The following ZSWIM2 variants were observed in gnomAD, a reference collection of about 807,000 sequenced individuals.
The protein encoded by ZSWIM2 is E3 ubiquitin-protein ligase ZSWIM2.
In ZSWIM2, 38 loss-of-function variants were observed where a neutral mutation model predicts 48.4. The ratio of observed to expected loss-of-function variants is 0.79; its 90% CI spans 0.61 to 1.03. The LOEUF (loss-of-function observed/expected upper bound fraction) is 1.03. Ranked by LOEUF, ZSWIM2 falls within the 50% of genes least tolerant of loss-of-function variation. The probability of loss-of-function intolerance (pLI) is 0.00; values close to 1 mark genes in which losing one functional copy is unlikely to be tolerated. For synonymous variants in ZSWIM2, 240 were observed against 251.3 expected (o/e 0.96, Z 0.42); for missense variants, 776 against 730.2 (o/e 1.06, Z -0.72).
At chr2:186,835,393 T>C (rs994830749) in intron 5 of ZSWIM2, among the ~76,000 whole-genome samples, 1 of 152,134 alleles carries the variant, frequency 6.6e-6, no homozygotes, top group Non-Finnish European at 1.5e-5. Context: ...TTATCAAATA[T>C]TTAGAAGATT....
At chr2:186,841,074 C>T (rs1401871349) in intron 3 of ZSWIM2, among the ~76,000 whole-genome samples, 2 of 151,276 alleles carry the variant, frequency 1.3e-5, no homozygotes, top group African/African-American at 4.8e-5. Flanking sequence ...CACTAATAAA[C>T]GTTACTATTT....
At chr2:186,830,119 C>T (rs1234823078) in intron 7 of ZSWIM2, among the ~76,000 whole-genome samples, 1 of 152,202 alleles carries the variant, frequency 6.6e-6, no homozygotes, top group Non-Finnish European at 1.5e-5. Flanking sequence ...TGGCTCACGC[C>T]TGTAATCCCA....
intron 5 of ZSWIM2, among the ~76,000 whole-genome samples, chr2:186,836,756 A>G (rs1691799733): frequency 6.6e-6 from 1 of 152,162 alleles, no homozygotes; most frequent in Non-Finnish European, 1.5e-5. Context: ...GGGGTTACTC[A>G]CAGTGAAAAT....
At chr2:186,838,716 CTA>C (rs1279807684) in intron 4 of ZSWIM2, among the ~76,000 whole-genome samples, 21 of 144,746 alleles carry the variant, frequency 1.5e-4, no homozygotes, top group Non-Finnish European at 2.4e-4. Context: ...ATATATATTT[CTA>C]TGATATATAT....
intron 3 of ZSWIM2, among the ~76,000 whole-genome samples, chr2:186,842,403 C>T (rs2167395): frequency 0.99 from 150,315 of 151,356 alleles, 74,649 homozygotes; most frequent in Middle Eastern, 1. Flanking sequence ...ATACAAGACA[C>T]AAAAAATCTT....
At chr2:186,834,052 A>C in intron 5 of ZSWIM2, 22 bp from the exon 6 acceptor site, 1 of 1,556,446 alleles carries the variant, frequency 6.4e-7, no homozygotes, top group Non-Finnish European at 8.8e-7. Context: ...AAACATCAAA[A>C]CACGCAAGAA....
At chr2:186,840,545 C>A (rs1691886548) in intron 3 of ZSWIM2, among the ~76,000 whole-genome samples, 3 of 151,380 alleles carry the variant, frequency 2.0e-5, no homozygotes, top group African/African-American at 7.3e-5. Context: ...CATTGTTAAA[C>A]AAAGAGGAAA....
In ZSWIM2 at chr2:186,828,741, C is replaced by A; in HGVS notation, c.1145G>T (p.Cys382Phe). 6.2e-7 allele frequency: 1 copy of A among 1,602,298 alleles called. No homozygotes were observed. Among genetic ancestry groups the A allele is most frequent in the Non-Finnish European group, 8.5e-7 (1 of 1,175,300 alleles). ...ATATATAACTTGTCCATCAATAGGG[C>A]ATGAATTGCACTTGTGGAATAACCA... ...DNWLFHKCNS[C>F]PIDGQVIYNP... Residue 382 changes from cysteine to phenylalanine, a missense_variant, in exon 9 of 9, where the codon TGC becomes TTC. Coordinates refer to ENST00000295131, the MANE Select transcript of ZSWIM2 (RefSeq NM_182521.3).
chr2:186,845,999 G>A (rs1170345248), intron 2 of ZSWIM2, among the ~76,000 whole-genome samples: 5 of 151,806 alleles, frequency 3.3e-5, no homozygotes, highest in African/African-American at 1.2e-4. Flanking sequence ...ATGGATTAAA[G>A]ACCTAAATGT....
At position 186,834,024 on chromosome 2, in the gene ZSWIM2, G is replaced by T; in HGVS notation, c.750C>A (p.Thr250=). ...GGCATAAGTGATATTCTATGCATTC[G>T]GTACACCTAAAAATACAAAACATCA... is the stretch of plus-strand genomic sequence containing the variant. ...FPIEGKCYKC[T]ECIEYHLCQE... is the part of the protein sequence containing the mutation. The change falls in exon 6 of 9, where the codon ACC becomes ACA. Residue 250 remains threonine, a synonymous_variant. Transcript: ENST00000295131. 6.2e-7 allele frequency: 1 copy of T among 1,608,110 alleles called. No individual in the cohort carries two copies. The highest frequency in any genetic ancestry group is 8.5e-7 in the Non-Finnish European group (1 of 1,175,864).
Position 186,849,142 on chromosome 2 carries a change from G to C in ZSWIM2, c.-12C>G, listed in dbSNP as rs1442003874. On this transcript the variant is annotated 5_prime_UTR_variant, in exon 1 of 9. Transcript: ENST00000295131. ...CCTCGGCGAAGCATGCTGGGTGCGG[G>C]CGGAGGCGGCCCCTCTGCTCGGCTC... 1 of 1,601,980 alleles carries C rather than the reference G, an allele frequency of 6.2e-7. No individual in the cohort carries two copies. The highest frequency in any genetic ancestry group is 2.2e-5 in the East Asian group (1 of 44,560).
intron 7 of ZSWIM2, among the ~76,000 whole-genome samples, chr2:186,831,177 T>G (rs1691692643): frequency 6.6e-6 from 1 of 152,074 alleles, no homozygotes; most frequent in South Asian, 2.1e-4. Context: ...AACTTAGCAT[T>G]CTAACAGGAT....
chr2:186,832,965 C>G (rs1001230098), intron 7 of ZSWIM2, among the ~76,000 whole-genome samples, 155 bp downstream of exon 7: 1 of 151,968 alleles, frequency 6.6e-6, no homozygotes, highest in South Asian at 2.1e-4. Context: ...ACTCTACAGC[C>G]CTGCTCTTCA....
At chr2:186,831,975 G>T (rs1431081495) in intron 7 of ZSWIM2, among the ~76,000 whole-genome samples, 1 of 152,028 alleles carries the variant, frequency 6.6e-6, no homozygotes, top group Non-Finnish European at 1.5e-5. Flanking sequence ...GTATACATAT[G>T]TAACAAACCT....
rs764971350 is a variant in ZSWIM2 at position 186,849,146 on chromosome 2, A to G, written c.-16T>C. The G allele has an allele frequency of 5.6e-6, 9 of 1,600,542 alleles. No homozygotes were observed. Among genetic ancestry groups the G allele is most frequent in the Non-Finnish European group, 7.7e-6 (9 of 1,171,602 alleles). On this transcript the variant is annotated 5_prime_UTR_variant, in exon 1 of 9. Transcript: ENST00000295131. ...GGCGAAGCATGCTGGGTGCGGGCGG[A>G]GGCGGCCCCTCTGCTCGGCTCACTG... is the stretch of plus-strand genomic sequence containing the variant.
At position 186,828,125 on chromosome 2, in the gene ZSWIM2, T is replaced by C; in HGVS notation, c.1761A>G (p.Lys587=). The C allele has an allele frequency of 1.9e-6, 3 of 1,613,498 alleles. No individual in the cohort carries two copies. Among genetic ancestry groups the C allele is most frequent in the Non-Finnish European group, 2.5e-6 (3 of 1,179,680 alleles). ...TACTATACCTTTTAGACAAACTAAG[T>C]TTAGCTGTGCTCCAATTGACAATAA... The part of the protein sequence containing the change: ...FNLIVNWSTA[K]LSLSKRYSNC... Residue 587 remains lysine (K), a synonymous_variant, in exon 9 of 9, where the codon AAA becomes AAG. Coordinates refer to ENST00000295131, the MANE Select transcript of ZSWIM2 (RefSeq NM_182521.3).
intron 2 of ZSWIM2, 80 bp downstream of exon 2, chr2:186,847,639 T>C (rs910655700): frequency 4.0e-6 from 4 of 1,003,530 alleles, no homozygotes; most frequent in East Asian, 2.7e-5. Flanking sequence ...TTTGTTGTTA[T>C]TGAAACCATG....
At chr2:186,836,822 T>G (rs13414169) in intron 5 of ZSWIM2, among the ~76,000 whole-genome samples, 24,869 of 152,010 alleles carry the variant, frequency 0.16, 2,836 homozygotes, top group African/African-American at 0.33. Flanking sequence ...AGATATGAAA[T>G]AAAACAAAAC....
At chr2:186,832,886 G>A (rs1040322637) in intron 7 of ZSWIM2, among the ~76,000 whole-genome samples, 5 of 152,274 alleles carry the variant, frequency 3.3e-5, no homozygotes, top group African/African-American at 1.2e-4. Flanking sequence ...GCAGATAGAA[G>A]TGAAGTAACT....
Sources: gnomAD v4.1 joint callset for allele counts (sites outside exome capture counted in the v4.1 genomes callset) on GRCh38, gnomAD v4.1.1 for gene constraint, MANE v1.5 for transcripts, NCBI Gene and HGNC (gene_info 2026-07-23, HGNC 2026-07-21) for gene names.